CEP128: variants seen among roughly 807,000 people sequenced by gnomAD.
The protein encoded by CEP128 is centrosomal protein 128.
In CEP128, 132 loss-of-function variants were observed where a neutral mutation model predicts 156.7. That is an observed-to-expected ratio of 0.84 (90% CI 0.73 to 0.97). The LOEUF (loss-of-function observed/expected upper bound fraction) is 0.97, where lower values mean the gene tolerates loss of function less well. CEP128 is among the 50% of genes least tolerant of loss of function. The pLI is 0.00. For synonymous variants in CEP128, 469 were observed against 448.9 expected, an observed-to-expected ratio of 1.04 and a Z score of -0.57; for missense variants, 1,252 against 1,281.9, an observed-to-expected ratio of 0.98 and a Z score of 0.36.
intron 2 of CEP128, chr14:80,955,838 G>A: frequency 6.2e-7 from 1 of 1,614,208 alleles, no homozygotes; most frequent in East Asian, 2.2e-5. Flanking sequence ...TTACCGCCCA[G>A]TACGCAGACT....
intron 19 of CEP128, among the ~76,000 whole-genome samples, chr14:80,607,542 A>G (rs183360108): frequency 6.6e-6 from 1 of 152,320 alleles, no homozygotes; most frequent in African/African-American, 2.4e-5. Context: ...AAGTCTTGCA[A>G]GTTCCTTCAC....
intron 19 of CEP128, among the ~76,000 whole-genome samples, chr14:80,683,257 T>C (rs1009753304): frequency 6.6e-6 from 1 of 151,854 alleles, no homozygotes; most frequent in Non-Finnish European, 1.5e-5. Context: ...GAGCACAAAA[T>C]AAAGGACTGG....
intron 19 of CEP128, among the ~76,000 whole-genome samples, chr14:80,619,157 A>G (rs1450370142): frequency 6.6e-6 from 1 of 152,164 alleles, no homozygotes; most frequent in African/African-American, 2.4e-5. Context: ...AAATGTAAAC[A>G]AAAGACTGTT....
chr14:80,931,588 G>C (rs1049639253), intron 2 of CEP128, among the ~76,000 whole-genome samples: 2 of 152,168 alleles, frequency 1.3e-5, no homozygotes, highest in South Asian at 4.2e-4. Flanking sequence ...TAGAAATACA[G>C]TCACTACTGG....
chr14:80,740,491 T>C (rs953246925), intron 19 of CEP128, among the ~76,000 whole-genome samples: 3 of 139,054 alleles, frequency 2.2e-5, no homozygotes, highest in Admixed American at 1.5e-4. Context: ...TTCATATTTA[T>C]ATCTAGATAG....
intron 17 of CEP128, among the ~76,000 whole-genome samples, chr14:80,761,047 G>C (rs551177938): frequency 1.3e-5 from 2 of 152,078 alleles, no homozygotes; most frequent in East Asian, 3.9e-4. Context: ...ATAATGGAGA[G>C]ACTAAAGCAC....
chr14:80,777,328 T>C (rs1328806953), intron 16 of CEP128, among the ~76,000 whole-genome samples: 1 of 152,182 alleles, frequency 6.6e-6, no homozygotes, highest in East Asian at 1.9e-4. Context: ...TCTCCACTTC[T>C]GTTATGTGAA....
chr14:80,904,775 G>A (rs1284076723), intron 6 of CEP128, 38 bp downstream of exon 6: 3 of 1,094,776 alleles, frequency 2.7e-6, no homozygotes, highest in Middle Eastern at 3.9e-4. Flanking sequence ...GAAGCATAAG[G>A]AAATACTGCA....
downstream of CEP128, among the ~76,000 whole-genome samples, chr14:80,486,533 T>A (rs1887169673): frequency 6.6e-6 from 1 of 151,816 alleles, no homozygotes. Context: ...CCAAAGATAC[T>A]TCTCGAGAAG....
intron 19 of CEP128, among the ~76,000 whole-genome samples, chr14:80,738,717 T>C (rs1898659940): frequency 6.7e-6 from 1 of 150,346 alleles, no homozygotes; most frequent in Admixed American, 6.6e-5. Context: ...TTATTATTAA[T>C]GTTTTATTGT....
intron 5 of CEP128, chr14:80,905,644 C>T (rs1486980782): frequency 7.2e-6 from 1 of 139,826 alleles, no homozygotes; most frequent in Non-Finnish European, 1.2e-5. Flanking sequence ...GGATACCTAA[C>T]CTAAAGTGTA....
intron 19 of CEP128, among the ~76,000 whole-genome samples, chr14:80,664,180 A>G (rs1048281895): frequency 2.0e-5 from 3 of 152,176 alleles, no homozygotes; most frequent in African/African-American, 7.2e-5. Context: ...AAAATCAGAA[A>G]TAGGAGACGC....
intron 19 of CEP128, among the ~76,000 whole-genome samples, chr14:80,656,303 A>ATATATATT (rs1239522139): frequency 5.8e-5 from 1 of 17,200 alleles, no homozygotes; most frequent in African/African-American, 2.4e-4. Flanking sequence ...ATATATATAT[A>ATATATATT]TATATATATA....
intron 19 of CEP128, among the ~76,000 whole-genome samples, chr14:80,737,994 T>G (rs1298638277): frequency 6.6e-6 from 1 of 152,170 alleles, no homozygotes; most frequent in East Asian, 1.9e-4. Flanking sequence ...CTTCAGAATG[T>G]TTAAATATTA....
chr14:80,734,645 C>T (rs1348209608), intron 19 of CEP128, among the ~76,000 whole-genome samples: 2 of 151,510 alleles, frequency 1.3e-5, no homozygotes, highest in African/African-American at 2.4e-5. Flanking sequence ...GTCAAGAGAT[C>T]GAGACCATCC....
chr14:80,903,928 T>C (rs568651288), intron 6 of CEP128, among the ~76,000 whole-genome samples: 3 of 152,224 alleles, frequency 2.0e-5, no homozygotes, highest in African/African-American at 7.2e-5. Context: ...GAAAACTGTA[T>C]GGAGGGTCTT....
intron 21 of CEP128, among the ~76,000 whole-genome samples, chr14:80,548,426 T>C (rs1272269687): frequency 6.6e-6 from 1 of 152,158 alleles, no homozygotes; most frequent in Non-Finnish European, 1.5e-5. Context: ...TTCCCCCCAC[T>C]ATATATTGTG....
At chr14:80,913,721 G>A (rs1199398241) in intron 4 of CEP128, among the ~76,000 whole-genome samples, 1 of 152,092 alleles carries the variant, frequency 6.6e-6, no homozygotes, top group Admixed American at 6.5e-5. Flanking sequence ...GACTCAGAAG[G>A]GACGCAAAGG....
intron 19 of CEP128, among the ~76,000 whole-genome samples, chr14:80,714,964 T>C (rs1169523817): frequency 6.6e-6 from 1 of 152,186 alleles, no homozygotes; most frequent in African/African-American, 2.4e-5. Context: ...CAGGCATGTC[T>C]GTAATCCCAG....
Sources: gnomAD v4.1 joint callset for allele counts (sites outside exome capture counted in the v4.1 genomes callset) on GRCh38, gnomAD v4.1.1 for gene constraint, MANE v1.5 for transcripts, NCBI Gene and HGNC (gene_info 2026-07-23, HGNC 2026-07-21) for gene names.